TSHR: variants seen among roughly 807,000 people sequenced by gnomAD.
TSHR encodes the protein thyrotropin receptor.
Under a neutral mutation model 64.1 loss-of-function variants are expected in TSHR, and 51 were observed. The observed-to-expected ratio is 0.80, with a 90% CI of 0.64 to 1.01. The LOEUF is 1.01. Ranked by LOEUF, TSHR falls within the 50% of genes least tolerant of loss-of-function variation. TSHR has a pLI of 0.00. For missense variants in TSHR, 877 were observed against 942.8 expected (o/e 0.93, Z 0.91); for synonymous variants, 361 against 361.9 (o/e 1.00, Z 0.03).
At chr14:81,095,930 T>A (rs2139996612) in intron 6 of TSHR, among the ~76,000 whole-genome samples, 1 of 151,856 alleles carries the variant, frequency 6.6e-6, no homozygotes, top group East Asian at 1.9e-4. Flanking sequence ...GTCCCAACTG[T>A]TTGAGAGGCT....
intron 7 of TSHR, among the ~76,000 whole-genome samples, chr14:81,101,409 C>G (rs930404262): frequency 5.3e-5 from 8 of 152,040 alleles, no homozygotes; most frequent in African/African-American, 1.7e-4. Flanking sequence ...ATAATGAAAC[C>G]AATTTTACCA....
At chr14:81,094,880 C>G (rs530971789) in intron 6 of TSHR, among the ~76,000 whole-genome samples, 1 of 151,614 alleles carries the variant, frequency 6.6e-6, no homozygotes, top group Non-Finnish European at 1.5e-5. Context: ...GTTATTTGAT[C>G]CTCTCTGCAA....
chr14:81,113,718 C>T (rs563203779), intron 8 of TSHR, among the ~76,000 whole-genome samples: 11 of 152,194 alleles, frequency 7.2e-5, no homozygotes, highest in African/African-American at 1.4e-4. Flanking sequence ...GAGAGCTGCA[C>T]GCTAAGTACT....
chr14:81,034,307 C>T (rs1884511170), intron 1 of TSHR, among the ~76,000 whole-genome samples: 1 of 152,172 alleles, frequency 6.6e-6, no homozygotes, highest in African/African-American at 2.4e-5. Flanking sequence ...TGTCTGAATG[C>T]TCTTAGCCTT....
intron 1 of TSHR, chr14:81,050,757 C>T (rs1333680823): frequency 6.6e-6 from 1 of 152,056 alleles, no homozygotes; most frequent in African/African-American, 2.4e-5. Context: ...TATATGCATA[C>T]ATTGTGGGAT....
intron 1 of TSHR, among the ~76,000 whole-genome samples, chr14:80,964,520 G>A (rs934521962): frequency 6.6e-6 from 1 of 152,150 alleles, no homozygotes; most frequent in Admixed American, 6.5e-5. Flanking sequence ...GTGTTTCCTG[G>A]TTATACAAAG....
At chr14:81,043,557 A>G (rs1885024404) in intron 1 of TSHR, among the ~76,000 whole-genome samples, 1 of 152,232 alleles carries the variant, frequency 6.6e-6, no homozygotes, top group Non-Finnish European at 1.5e-5. Flanking sequence ...ACTACCATTG[A>G]CATGCTACAC....
At chr14:81,053,705 CTAGA>C (rs1435443518) in intron 1 of TSHR, 1 of 152,066 alleles carries the variant, frequency 6.6e-6, no homozygotes, top group Non-Finnish European at 1.5e-5. Context: ...AATCATATTC[CTAGA>C]TATTTACCCA....
chr14:80,999,931 TTTTC>T (rs1889222683), intron 1 of TSHR, among the ~76,000 whole-genome samples: 1 of 149,572 alleles, frequency 6.7e-6, no homozygotes, highest in Admixed American at 6.7e-5. Context: ...TTTTTCTTTT[TTTTC>T]TTTTTTTTTT....
At chr14:81,064,005 A>C (rs1190420659) in intron 2 of TSHR, among the ~76,000 whole-genome samples, 3 of 152,138 alleles carry the variant, frequency 2.0e-5, no homozygotes, top group Non-Finnish European at 4.4e-5. Context: ...AAAAAATAAA[A>C]CTTAGGTCTA....
At chr14:81,024,975 C>G (rs1476502439) in intron 1 of TSHR, among the ~76,000 whole-genome samples, 3 of 152,216 alleles carry the variant, frequency 2.0e-5, no homozygotes, top group Non-Finnish European at 2.9e-5. Context: ...ACTGCTTATA[C>G]AGAGATAATT....
At chr14:80,984,958 T>C (rs1375613627) in intron 1 of TSHR, among the ~76,000 whole-genome samples, 1 of 152,146 alleles carries the variant, frequency 6.6e-6, no homozygotes, top group African/African-American at 2.4e-5. Flanking sequence ...ATTAAAAAGG[T>C]AATTGCTTTT....
intron 8 of TSHR, among the ~76,000 whole-genome samples, chr14:81,114,941 G>A (rs1207937709): frequency 6.6e-6 from 1 of 152,248 alleles, no homozygotes; most frequent in South Asian, 2.1e-4. Flanking sequence ...ACATGGCAGG[G>A]TACTCCAACA....
chr14:80,995,326 AC>A (rs1232616615), intron 1 of TSHR: 1 of 152,232 alleles, frequency 6.6e-6, no homozygotes, highest in African/African-American at 2.4e-5. Context: ...CAATCCCATT[AC>A]TGGATATATA....
intron 1 of TSHR, among the ~76,000 whole-genome samples, chr14:81,037,460 A>T (rs1884703534): frequency 6.7e-6 from 1 of 149,912 alleles, no homozygotes; most frequent in South Asian, 2.1e-4. Context: ...ACAGAAAATG[A>T]TCTAACAAAA....
Position 81,145,944 on chromosome 14 carries a change from A to G in TSHR, c.*1591A>G, listed in dbSNP as rs1444650696. ...GTTTTAAGATTGTGAAGTGTCGTTA[A>G]TGGGTCCCCACAGATGGTCCCTGCT... is the stretch of plus-strand genomic sequence containing the variant. On this transcript the variant is annotated 3_prime_UTR_variant, in exon 10 of 10. Coordinates refer to ENST00000298171, the MANE Select transcript of TSHR (RefSeq NM_000369.5). The G allele has an allele frequency of 4.3e-6, 1 of 232,168 alleles. No homozygotes were observed. The highest frequency in any genetic ancestry group is 8.5e-6 in the Non-Finnish European group (1 of 117,448). The allele number at this position is 232,168 out of a possible 1,614,324, so 14.4% of individuals were successfully genotyped here.
chr14:81,038,713 C>A (rs1884775881), intron 1 of TSHR, among the ~76,000 whole-genome samples: 1 of 147,202 alleles, frequency 6.8e-6, no homozygotes. Flanking sequence ...GCACATGTAC[C>A]CTAGAACTTA....
chr14:80,994,307 C>T (rs11159479), intron 1 of TSHR: 52,896 of 151,658 alleles, frequency 0.35, 9,884 homozygotes, highest in Non-Finnish European at 0.41. Context: ...TAAAAAGCCA[C>T]TTATAGATTC....
chr14:81,022,038 A>C (rs1405158165), intron 1 of TSHR, among the ~76,000 whole-genome samples: 3 of 150,888 alleles, frequency 2.0e-5, no homozygotes, highest in African/African-American at 7.3e-5. Flanking sequence ...GGAAGTGGGC[A>C]GATCACGAGG....
Sources: allele counts gnomAD v4.1 joint callset (sites outside exome capture counted in the v4.1 genomes callset), GRCh38; gene constraint gnomAD v4.1.1; transcripts MANE v1.5; gene names NCBI Gene and HGNC (gene_info 2026-07-23, HGNC 2026-07-21).